Variants in COPG2 observed in about 807,000 individuals in gnomAD.
COPG2 encodes coat protein complex I subunit gamma 2, also known as coatomer subunit gamma-2.
A neutral mutation model predicts 46.3 loss-of-function variants in COPG2; 37 were observed. The observed-to-expected ratio is 0.80, with a 90% CI of 0.61 to 1.05. The LOEUF (loss-of-function observed/expected upper bound fraction) is 1.05. Ranked by LOEUF, COPG2 falls within the 50% of genes least tolerant of loss-of-function variation. COPG2 has a pLI of 0.00. For missense variants in COPG2, 427 were observed against 387.8 expected, an observed-to-expected ratio of 1.10 and a Z score of -0.85; for synonymous variants, 159 against 129.7, an observed-to-expected ratio of 1.23 and a Z score of -1.53.
chr7:130,614,698 T>C (rs1222699992), intron 6 of COPG2, among the ~76,000 whole-genome samples: 1 of 152,188 alleles, frequency 6.6e-6, no homozygotes, highest in Non-Finnish European at 1.5e-5. Context: ...GGCCTGTGTC[T>C]AGTACATGAT....
intron 5 of COPG2, among the ~76,000 whole-genome samples, chr7:130,629,384 TTTA>T (rs1294722496): frequency 6.8e-6 from 1 of 147,990 alleles, no homozygotes; most frequent in African/African-American, 2.4e-5. Context: ...CTTCTGGAAT[TTTA>T]TTATTATTAT....
intron 9 of COPG2, among the ~76,000 whole-genome samples, chr7:130,595,162 C>A (rs1554449548): frequency 6.6e-6 from 1 of 152,066 alleles, no homozygotes; most frequent in Non-Finnish European, 1.5e-5. Context: ...TATATTTATA[C>A]AATGTAATAT....
At chr7:130,543,293 C>T (rs1250018732) in intron 20 of COPG2, among the ~76,000 whole-genome samples, 2 of 152,122 alleles carry the variant, frequency 1.3e-5, no homozygotes, top group Non-Finnish European at 2.9e-5. Context: ...CAGTTTAAAC[C>T]ACTTTGGGAT....
intron 18 of COPG2, among the ~76,000 whole-genome samples, chr7:130,548,825 G>A (rs1321078083): frequency 6.6e-6 from 1 of 152,088 alleles, no homozygotes; most frequent in African/African-American, 2.4e-5. Context: ...GGCTGAGGCA[G>A]GAGAATGGCG....
chr7:130,605,204 A>G lies in COPG2; in HGVS notation c.737+5749T>C, dbSNP rs188638020. 1.8e-3 allele frequency: 915 copies of G among 519,938 alleles called. 5 individuals carry two copies. The highest frequency in any genetic ancestry group is 2.0e-3 in the Non-Finnish European group (511 of 259,820). 32.2% of individuals were successfully genotyped at this position (519,938 alleles called of 1,614,324 possible). ...TTTCTCCTGCTCTATCTTCAAATTC[A>G]CTAACTCTCTTTGACTCTCTCATCA... is the stretch of plus-strand genomic sequence containing the variant. On this transcript the variant is annotated intron_variant, in intron 9 of 23. Coordinates refer to ENST00000425248, the MANE Select transcript of COPG2 (RefSeq NM_012133.6).
intron 2 of COPG2, among the ~76,000 whole-genome samples, 158 bp from the exon 3 acceptor site, chr7:130,667,087 G>C (rs1261330879): frequency 6.6e-6 from 1 of 152,116 alleles, no homozygotes; most frequent in Non-Finnish European, 1.5e-5. Context: ...ATTACACGTG[G>C]CCTTGATTTT....
intron 9 of COPG2, among the ~76,000 whole-genome samples, chr7:130,588,974 A>G (rs1030735545): frequency 4.0e-4 from 61 of 152,238 alleles, no homozygotes; most frequent in African/African-American, 1.4e-3. Context: ...GAGAAACTAT[A>G]TTCAGTGTGT....
intron 9 of COPG2, among the ~76,000 whole-genome samples, chr7:130,566,071 A>G (rs1584975314): frequency 6.6e-6 from 1 of 152,194 alleles, no homozygotes; most frequent in Admixed American, 6.5e-5. Flanking sequence ...TTTAGAAAAA[A>G]CATTAATTTA....
At chr7:130,623,574 G>A (rs1478292131) in intron 5 of COPG2, among the ~76,000 whole-genome samples, 1 of 152,028 alleles carries the variant, frequency 6.6e-6, no homozygotes, top group Non-Finnish European at 1.5e-5. Flanking sequence ...TATTTTCCAC[G>A]TGAACTTTAG....
intron 20 of COPG2, among the ~76,000 whole-genome samples, chr7:130,532,475 TG>T (rs1799837255): frequency 6.6e-6 from 1 of 151,664 alleles, no homozygotes; most frequent in Non-Finnish European, 1.5e-5. Flanking sequence ...AGGGTGGGAC[TG>T]ACAGGAGCAC....
Position 130,508,544 on chromosome 7 carries a change from TATGCTGGG to T in COPG2, c.2247+10_2247+17del. ...TTGTGAAGGTGTCAAAGAAAGTCTC[TATGCTGGG>T]AAGACTCACCACATACTCATCATCA... On this transcript the variant is annotated intron_variant, in intron 21 of 23. Transcript: ENST00000425248. 2.6e-6 allele frequency: 2 copies of T among 764,312 alleles called. No homozygotes were observed. Among genetic ancestry groups the T allele is most frequent in the Middle Eastern group, 2.3e-4 (1 of 4,412 alleles). The allele number at this position is 764,312 out of a possible 1,614,324, so 47.3% of individuals were successfully genotyped here.
chr7:130,593,947 C>T (rs1554449365), intron 9 of COPG2, among the ~76,000 whole-genome samples: 1 of 152,064 alleles, frequency 6.6e-6, no homozygotes, highest in Admixed American at 6.5e-5. Flanking sequence ...GACTACCTTA[C>T]ACTTACGGAG....
Position 130,663,010 on chromosome 7 carries a change from G to A in COPG2, c.200C>T (p.Thr67Ile). 3 of 1,548,328 alleles carry A rather than the reference G, an allele frequency of 1.9e-6. No homozygotes were observed. The highest frequency in any genetic ancestry group is 2.6e-6 in the Non-Finnish European group (3 of 1,148,958). ...QGEHFGTTEA[T>I]EAFFAMTRLF... The stretch of plus-strand genomic sequence containing the variant: ...TCGCGTCATTGCAAAGAAGGCTTCT[G>A]TAGCTTCCGTTGTTCCAAAGTGTTC... The change falls in exon 4 of 24, where the codon ACA (threonine) becomes ATA (isoleucine). Residue 67 changes from threonine to isoleucine, a missense_variant. Transcript: ENST00000425248.
chr7:130,645,534 C>T lies in COPG2; in HGVS notation c.323+7335G>A, dbSNP rs111939151. On this transcript the variant is annotated intron_variant, in intron 5 of 23. Transcript: ENST00000425248. Reference sequence around the variant, plus strand: ...GGGCTCAATCACCTCAATCATGATCCGGCCACTGCCTTGGAGGTGAAGCCC... The same window carrying T: ...GGGCTCAATCACCTCAATCATGATCTGGCCACTGCCTTGGAGGTGAAGCCC... The T allele has an allele frequency of 2.6e-3, 565 of 216,818 alleles. 3 individuals are homozygous for T. Among genetic ancestry groups the T allele is most frequent in the African/African-American group, 0.011 (453 of 42,674 alleles). 13.4% of individuals were successfully genotyped at this position (216,818 alleles called of 1,614,324 possible). A position where few individuals can be genotyped will look rare whatever the true frequency, so the allele number is the denominator to read the frequency against.
Position 130,611,068 on chromosome 7 carries a change from G to A in COPG2, c.622C>T (p.Arg208Ter), listed in dbSNP as rs1554452006. Residue 208 changes from arginine to a stop codon, truncating the protein, a stop_gained, in exon 9 of 24, where the codon CGA becomes TGA. Transcript: ENST00000425248. LOFTEE classifies it high-confidence loss of function. Reference sequence around the variant, plus strand: ...TTCAACATCTTGGAAACAGCAAGTCGATCATTCTTTCTAAGGTGATACAGG... The same window carrying A: ...TTCAACATCTTGGAAACAGCAAGTCAATCATTCTTTCTAAGGTGATACAGG... The part of the protein sequence containing the change: ...GVLYHLRKND[R>*]LAVSKMLNKF... 3.7e-6 allele frequency: 6 copies of A among 1,613,652 alleles called. No homozygotes were observed. In the South Asian group the frequency reaches 4.4e-5, roughly 12 times the overall value.
chr7:130,666,268 T>C (rs1438538008), intron 3 of COPG2, among the ~76,000 whole-genome samples: 1 of 152,206 alleles, frequency 6.6e-6, no homozygotes, highest in African/African-American at 2.4e-5. Context: ...AAAGAAAATA[T>C]CTGGAATTTG....
intron 5 of COPG2, among the ~76,000 whole-genome samples, chr7:130,629,398 C>CT (rs1554454819): frequency 9.2e-6 from 1 of 109,042 alleles, no homozygotes; most frequent in Non-Finnish European, 2.2e-5. Flanking sequence ...TTATTATTAT[C>CT]ATTTTTTTTT....
chr7:130,578,650 T>TA (rs1381687042), intron 9 of COPG2, among the ~76,000 whole-genome samples: 1 of 151,848 alleles, frequency 6.6e-6, no homozygotes, highest in African/African-American at 2.4e-5. Context: ...GAGAAGTGCT[T>TA]AAAGGAGGTG....
At chr7:130,536,008 G>A (rs1799876440) in intron 20 of COPG2, among the ~76,000 whole-genome samples, 1 of 152,026 alleles carries the variant, frequency 6.6e-6, no homozygotes, top group Non-Finnish European at 1.5e-5. Flanking sequence ...GAGGGATGAT[G>A]AAGGAAAAAT....
Sources: allele counts gnomAD v4.1 joint callset (sites outside exome capture counted in the v4.1 genomes callset), GRCh38; gene constraint gnomAD v4.1.1; transcripts MANE v1.5; gene names NCBI Gene and HGNC (gene_info 2026-07-23, HGNC 2026-07-21).